Variants in ATP2B3 observed in about 807,000 individuals in gnomAD.
ATP2B3 encodes the protein plasma membrane calcium-transporting ATPase 3.
A neutral mutation model predicts 70.8 loss-of-function variants in ATP2B3; 12 were observed. That is an observed-to-expected ratio of 0.17 (90% CI 0.11 to 0.27). ATP2B3 has a LOEUF of 0.27. ATP2B3 is among the 10% of genes least tolerant of loss of function. The pLI is 1.00. For missense variants in ATP2B3, 858 were observed against 1,118.5 expected (o/e 0.77, Z 3.32); for synonymous variants, 460 against 497.8 (o/e 0.92, Z 1.01).
chrX:153,571,003 T>C (rs201447369), intron 21 of ATP2B3, among the ~76,000 whole-genome samples: 6,823 of 87,608 alleles, frequency 0.078, 238 homozygotes, highest in African/African-American at 0.15. Context: ...CGTGCGCGCG[T>C]ACACACACAC....
At chrX:153,564,847 C>A in intron 20 of ATP2B3, 74 bp from the exon 21 acceptor site, 1 of 1,032,336 alleles carries the variant, frequency 9.7e-7, no homozygotes, top group African/African-American at 1.9e-5. Context: ...GCGTCTCCCT[C>A]TGGAGAGGGA....
chrX:153,550,797 A>T (rs1388603437), intron 12 of ATP2B3, among the ~76,000 whole-genome samples: 1 of 111,514 alleles, frequency 9.0e-6, no homozygotes, highest in African/African-American at 3.3e-5. Context: ...GGGTCTCCTC[A>T]TGTTGCCCAG....
chrX:153,559,858 C>A lies in ATP2B3; in HGVS notation c.2755C>A (p.Pro919Thr). 2.5e-6 allele frequency: 3 copies of A among 1,212,160 alleles called. No homozygotes were observed. Among genetic ancestry groups the A allele is most frequent in the Non-Finnish European group, 3.3e-6 (3 of 895,594 alleles). The change falls in exon 18 of 22, where the codon CCC (proline) becomes ACC (threonine). Residue 919 changes from proline to threonine, a missense_variant. By Grantham distance (38) the Pro-to-Thr change is conservative. Coordinates refer to ENST00000263519, the MANE Select transcript of ATP2B3 (RefSeq NM_001001344.3). Reference protein sequence around the residue: ...LLRKPYGRDKPLISRTMMKNI... With the variant: ...LLRKPYGRDKTLISRTMMKNI... ...GCGGAAGCCGTACGGCCGCGACAAG[C>A]CCCTCATCTCCCGCACCATGATGAA... is the stretch of plus-strand genomic sequence containing the variant.
rs2090912747 is a variant in ATP2B3, at chrX:153,580,698, G to C, written c.*400G>C. 7.3e-6 allele frequency: 1 copy of C among 137,089 alleles called. No individual in the cohort carries two copies. Among genetic ancestry groups the C allele is most frequent in the Non-Finnish European group, 1.4e-5 (1 of 69,366 alleles). 11.3% of individuals were successfully genotyped at this position (137,089 alleles called of 1,213,427 possible). The stretch of plus-strand genomic sequence containing the variant: ...TTACCGTGTGTTTGCCATTTGAGCT[G>C]TGTGGTGGGCAGGGGGCTGGTTTGG... On this transcript the variant is annotated 3_prime_UTR_variant, in exon 22 of 22. Transcript: ENST00000263519.
chrX:153,539,434 C>T (rs2090246188), intron 3 of ATP2B3, among the ~76,000 whole-genome samples: 2 of 112,766 alleles, frequency 1.8e-5, no homozygotes, highest in South Asian at 7.4e-4. Context: ...GTTGTGCGGG[C>T]GGCAGCTTCT....
At chrX:153,526,505 G>A (rs942829948) in intron 2 of ATP2B3, among the ~76,000 whole-genome samples, 2 of 112,066 alleles carry the variant, frequency 1.8e-5, no homozygotes, top group East Asian at 2.8e-4. Context: ...CTCGTATGCC[G>A]GGTTCCTCGC....
chrX:153,567,009 G>A (rs2090717653), intron 21 of ATP2B3, among the ~76,000 whole-genome samples: 1 of 112,665 alleles, frequency 8.9e-6, no homozygotes, highest in South Asian at 3.7e-4. Context: ...ACCGGGAGGC[G>A]AGGCTGGCAT....
At position 153,568,263 on chromosome X, in the gene ATP2B3, G is replaced by T. The variant is rs5987099; in HGVS notation, c.3342+3160G>T. Reference sequence around the variant, plus strand: ...TGTCTTTTTTGCATCCCATTATAATGCAAAGAGAAGCTTCGTCAGCAACTG... The same window carrying T: ...TGTCTTTTTTGCATCCCATTATAATTCAAAGAGAAGCTTCGTCAGCAACTG... On this transcript the variant is annotated intron_variant, in intron 21 of 21. Coordinates refer to ENST00000263519, the MANE Select transcript of ATP2B3 (RefSeq NM_001001344.3). 5.4e-3 allele frequency among the ~76,000 whole-genome samples: 604 copies of T among 111,676 alleles called. 5 individuals are homozygous for T. The highest frequency in any genetic ancestry group is 0.019 in the African/African-American group (571 of 30,724).
At chrX:153,544,609 G>A (rs1406992362) in intron 7 of ATP2B3, among the ~76,000 whole-genome samples, 3 of 111,467 alleles carry the variant, frequency 2.7e-5, no homozygotes, top group Admixed American at 9.4e-5. Flanking sequence ...CAAGACCAGG[G>A]GGCTCCCTGC....
intron 2 of ATP2B3, among the ~76,000 whole-genome samples, chrX:153,525,898 G>A (rs528195514): frequency 8.8e-6 from 1 of 113,266 alleles, no homozygotes; most frequent in African/African-American, 3.2e-5. Context: ...GTAAGAATGC[G>A]CTGACCTGGG....
intron 12 of ATP2B3, among the ~76,000 whole-genome samples, chrX:153,552,726 C>G (rs1275995601): frequency 8.9e-6 from 1 of 112,352 alleles, no homozygotes; most frequent in Non-Finnish European, 1.9e-5. Context: ...TTCTGGAGGC[C>G]GGAAGTCCAA....
Position 153,519,924 on chromosome X carries a change from T to A in ATP2B3, c.-127+1373T>A, listed in dbSNP as rs1237619478. On this transcript the variant is annotated intron_variant, in intron 2 of 21. Transcript: ENST00000263519. ...AGAGCATGCCAGGGGACAGCCACAATGCCAGGTGATGGAGATGCCCCAATC... is the reference window on the plus strand; with the variant it reads ...AGAGCATGCCAGGGGACAGCCACAAAGCCAGGTGATGGAGATGCCCCAATC... Among the ~76,000 whole-genome samples, 4 of 112,654 alleles carry A rather than the reference T, an allele frequency of 3.6e-5. No homozygotes were observed. The Admixed American group carries it at 3.7e-4, about 10-fold the overall frequency.
chrX:153,565,861 GCCTGCGAGGCTCCCTT>G (rs2090699691), intron 21 of ATP2B3, among the ~76,000 whole-genome samples: 1 of 112,569 alleles, frequency 8.9e-6, no homozygotes, highest in Non-Finnish European at 1.9e-5. Flanking sequence ...GCTCGCCTAG[GCCTGCGAGGCTCCCTT>G]CCGGCTCGTG....
chrX:153,557,068 C>G (rs1557014121), intron 16 of ATP2B3, 45 bp downstream of exon 16: 3 of 1,084,655 alleles, frequency 2.8e-6, no homozygotes, highest in Non-Finnish European at 2.5e-6. Context: ...CAGATGGGGC[C>G]TGCATCTGTC....
intron 2 of ATP2B3, among the ~76,000 whole-genome samples, chrX:153,535,436 C>G (rs1490375248): frequency 9.0e-6 from 1 of 111,301 alleles, no homozygotes; most frequent in African/African-American, 3.3e-5. Context: ...TCCTCAGCCA[C>G]TCCCTTTATC....
chrX:153,545,987 G>A lies in ATP2B3; in HGVS notation c.917-101G>A, dbSNP rs1389318377. 1.1e-5 allele frequency: 10 copies of A among 938,457 alleles called. No individual in the cohort carries two copies. In the Admixed American group the frequency reaches 1.7e-4, roughly 16 times the overall value. 77.3% of individuals were successfully genotyped at this position (938,457 alleles called of 1,213,427 possible). A position where few individuals can be genotyped will look rare whatever the true frequency, so the allele number is the denominator to read the frequency against. The stretch of plus-strand genomic sequence containing the variant: ...CCTGGAGAGGACGGGGCATGAAGAA[G>A]GCCACCAGCAATCAGGCCCCTCCTC... On this transcript the variant is annotated intron_variant, in intron 7 of 21. Transcript: ENST00000263519.
chrX:153,568,918 C>T (rs1246612164), intron 21 of ATP2B3, among the ~76,000 whole-genome samples: 3 of 112,903 alleles, frequency 2.7e-5, no homozygotes, highest in African/African-American at 9.7e-5. Flanking sequence ...GTCCCCATCC[C>T]AGCCAAGGGC....
At chrX:153,545,560 A>C (rs2090352570) in intron 7 of ATP2B3, among the ~76,000 whole-genome samples, 1 of 112,762 alleles carries the variant, frequency 8.9e-6, no homozygotes, top group Non-Finnish European at 1.9e-5. Context: ...AGTCCCAGCT[A>C]CTTGGGAGGC....
At chrX:153,562,607 A>G (rs2090641320) in intron 20 of ATP2B3, among the ~76,000 whole-genome samples, 1 of 112,152 alleles carries the variant, frequency 8.9e-6, no homozygotes, top group Admixed American at 9.5e-5. Flanking sequence ...GAAAGTCTCC[A>G]GAGAAATTAG....
Sources: gnomAD v4.1 joint callset for allele counts (sites outside exome capture counted in the v4.1 genomes callset) on GRCh38, gnomAD v4.1.1 for gene constraint, MANE v1.5 for transcripts, NCBI Gene and HGNC (gene_info 2026-07-23, HGNC 2026-07-21) for gene names.